Variants in G2E3 observed in about 807,000 individuals in gnomAD.
G2E3 encodes the protein G2/M-phase specific E3 ubiquitin protein ligase.
G2E3 carries 35 observed loss-of-function variants against 92.8 expected under a neutral mutation model. The observed-to-expected ratio is 0.38, with a 90% CI of 0.29 to 0.50. G2E3 has a LOEUF of 0.50. Among genes scored for constraint, G2E3 ranks in the 20% least tolerant of loss-of-function variants. The pLI is 0.94. For missense variants in G2E3, 554 were observed against 823.8 expected (o/e 0.67, Z 4.01); for synonymous variants, 242 against 272.4 (o/e 0.89, Z 1.10).
At chr14:30,604,325 G>C (rs2138889890) in intron 10 of G2E3, among the ~76,000 whole-genome samples, 1 of 152,368 alleles carries the variant, frequency 6.6e-6, no homozygotes, top group Non-Finnish European at 1.5e-5. Context: ...CTACACTAGG[G>C]CACTGTAACG....
rs747552425 is a variant in G2E3 at position 30,607,946 on chromosome 14, C to T, written c.1377C>T (p.His459=). The T allele has an allele frequency of 7.5e-6, 12 of 1,608,010 alleles. No individual in the cohort carries two copies. The highest frequency in any genetic ancestry group is 2.7e-5 in the African/African-American group (2 of 74,592). The change falls in exon 12 of 15, where the codon CAC becomes CAT. Residue 459 remains histidine (H), a synonymous_variant. Transcript: ENST00000206595. ...AGKMLAISLV[H]GGPSPGFFSK... ...AAATGCTTGCCATTTCTTTAGTTCA[C>T]GGTGGTCCTTCACCTGGTTTCTTTT...
intron 6 of G2E3, among the ~76,000 whole-genome samples, chr14:30,593,861 AT>A (rs1881142144): frequency 6.7e-6 from 1 of 149,772 alleles, no homozygotes; most frequent in Admixed American, 6.6e-5. Flanking sequence ...AAACTTTTTA[AT>A]GTATATTTAT....
At chr14:30,574,255 A>G (rs774938205) in intron 1 of G2E3, among the ~76,000 whole-genome samples, 1 of 152,130 alleles carries the variant, frequency 6.6e-6, no homozygotes, top group Non-Finnish European at 1.5e-5. Flanking sequence ...AAATATGGAT[A>G]CCAATTTCAG....
chr14:30,615,060 T>C (rs1566554808), intron 13 of G2E3, among the ~76,000 whole-genome samples: 2 of 152,166 alleles, frequency 1.3e-5, no homozygotes, highest in East Asian at 3.8e-4. Context: ...TAATAAAAAC[T>C]TGTTAGTTTT....
At chr14:30,563,121 A>G (rs935452645) in intron 1 of G2E3, among the ~76,000 whole-genome samples, 1 of 140,234 alleles carries the variant, frequency 7.1e-6, no homozygotes, top group African/African-American at 2.7e-5. Context: ...AGAAAAACCC[A>G]CCGATCCTGT....
At chr14:30,594,240 A>ATC (rs1566541578) in intron 6 of G2E3, among the ~76,000 whole-genome samples, 2 of 152,348 alleles carry the variant, frequency 1.3e-5, no homozygotes, top group Middle Eastern at 3.4e-3. Flanking sequence ...AAAACTTGAA[A>ATC]AAGATTCCAG....
Position 30,573,066 on chromosome 14 carries a change from C to T in G2E3, c.-4-8010C>T, listed in dbSNP as rs375502772. ...CAAGGTGGACTCAAATTCCTGGGCT[C>T]AAGCAATCCTCCTGCTTCAGCCTTT... On this transcript the variant is annotated intron_variant, in intron 1 of 14. Coordinates refer to ENST00000206595, the MANE Select transcript of G2E3 (RefSeq NM_017769.5). Among the ~76,000 whole-genome samples the T allele has an allele frequency of 5.3e-5, 8 of 151,918 alleles. No individual in the cohort carries two copies. In the South Asian group the frequency reaches 1.7e-3, roughly 31 times the overall value.
At chr14:30,561,693 G>A (rs1167145401) in intron 1 of G2E3, among the ~76,000 whole-genome samples, 3 of 152,134 alleles carry the variant, frequency 2.0e-5, no homozygotes, top group Non-Finnish European at 2.9e-5. Flanking sequence ...TATATAGTGC[G>A]AGACTGCCCT....
At chr14:30,585,999 A>G (rs1880694805) in intron 2 of G2E3, among the ~76,000 whole-genome samples, 1 of 152,042 alleles carries the variant, frequency 6.6e-6, no homozygotes, top group South Asian at 2.1e-4. Flanking sequence ...CTTCTTTCCT[A>G]TGCCTTTCAG....
At chr14:30,574,637 TATC>T (rs1879967582) in intron 1 of G2E3, 1 of 152,168 alleles carries the variant, frequency 6.6e-6, no homozygotes, top group South Asian at 2.1e-4. Flanking sequence ...CATGAGTTCT[TATC>T]ATTTAGCTCC....
intron 1 of G2E3, among the ~76,000 whole-genome samples, chr14:30,577,223 C>CA (rs59757142): frequency 0.11 from 8,905 of 80,326 alleles, 692 homozygotes; most frequent in African/African-American, 0.17. Flanking sequence ...GACTCTGTCT[C>CA]AAAAAAAAAA....
At chr14:30,615,306 C>T (rs763043561) in intron 13 of G2E3, 43 bp from the exon 14 acceptor site, 2 of 970,650 alleles carry the variant, frequency 2.1e-6, no homozygotes, top group East Asian at 5.1e-5. Flanking sequence ...TAATACCAAA[C>T]ACACATGTAT....
chr14:30,601,002 G>C (rs1165989975), intron 8 of G2E3, among the ~76,000 whole-genome samples: 3 of 152,126 alleles, frequency 2.0e-5, no homozygotes, highest in Admixed American at 6.5e-5. Flanking sequence ...TGTTGTCACT[G>C]GGCAGAGACA....
Position 30,568,388 on chromosome 14 carries a change from C to T in G2E3, c.-5+9116C>T, listed in dbSNP as rs894376310. On this transcript the variant is annotated intron_variant, in intron 1 of 14. Coordinates refer to ENST00000206595, the MANE Select transcript of G2E3 (RefSeq NM_017769.5). ...GTCAACCTTTGCCTTTTAATTGGAG[C>T]GTGTAATTCATTTACATTTAATTAC... 9.2e-5 allele frequency among the ~76,000 whole-genome samples: 14 copies of T among 152,016 alleles called. No individual in the cohort carries two copies. The East Asian group carries it at 1.3e-3, about 15-fold the overall frequency.
At chr14:30,588,057 TACCTC>T (rs1359209610) in intron 3 of G2E3, among the ~76,000 whole-genome samples, 1 of 152,204 alleles carries the variant, frequency 6.6e-6, no homozygotes, top group Non-Finnish European at 1.5e-5. Context: ...TGTGCCTCCG[TACCTC>T]AAAGGTTAAA....
intron 7 of G2E3, 119 bp downstream of exon 7, chr14:30,597,645 G>A (rs1395663858): frequency 7.5e-6 from 5 of 663,172 alleles, no homozygotes; most frequent in Non-Finnish European, 1.3e-5. Flanking sequence ...ATTTCAAATG[G>A]TGAAATGCAA....
At chr14:30,591,395 G>T (rs1422489012) in intron 4 of G2E3, among the ~76,000 whole-genome samples, 1 of 152,138 alleles carries the variant, frequency 6.6e-6, no homozygotes, top group Non-Finnish European at 1.5e-5. Flanking sequence ...TTACATTTCA[G>T]TTAGCGGCAC....
At chr14:30,612,178 A>G (rs941727367) in intron 12 of G2E3, 29 bp from the exon 13 acceptor site, 7 of 1,539,004 alleles carry the variant, frequency 4.5e-6, no homozygotes, top group Non-Finnish European at 6.3e-6. Context: ...TAAATGAGTA[A>G]AGTGGCTGTA....
chr14:30,571,825 C>G (rs1879780774), intron 1 of G2E3, among the ~76,000 whole-genome samples: 1 of 151,944 alleles, frequency 6.6e-6, no homozygotes, highest in South Asian at 2.1e-4. Context: ...ATTAACATAG[C>G]TCTATAAGAA....
Sources: allele counts gnomAD v4.1 joint callset (sites outside exome capture counted in the v4.1 genomes callset), GRCh38; gene constraint gnomAD v4.1.1; transcripts MANE v1.5; gene names NCBI Gene and HGNC (gene_info 2026-07-23, HGNC 2026-07-21).